Variants in SLC16A12 observed in about 807,000 individuals in gnomAD.
SLC16A12 encodes monocarboxylate transporter 12.
In SLC16A12, 17 loss-of-function variants were observed where a neutral mutation model predicts 42.4. The ratio of observed to expected loss-of-function variants is 0.40; its 90% confidence interval spans 0.27 to 0.60. The LOEUF (loss-of-function observed/expected upper bound fraction) is 0.60. SLC16A12 is among the 20% of genes least tolerant of loss of function. The pLI is 0.42. For synonymous variants in SLC16A12, 224 were observed against 229.4 expected (o/e 0.98, Z 0.21); for missense variants, 544 against 623.0 (o/e 0.87, Z 1.35).
rs1841677522 is a variant in SLC16A12 at position 89,430,402 on chromosome 10, A to G, written c.*2662T>C. ...TACAATCTGAACAAAAAGCCCAATC[A>G]TACAGTGTATCTACAAAGTTAGATA... is the stretch of plus-strand genomic sequence containing the variant. On this transcript the variant is annotated 3_prime_UTR_variant, in exon 8 of 8. Coordinates refer to ENST00000371790, the MANE Select transcript of SLC16A12 (RefSeq NM_213606.4). 1 of 254,374 alleles carries G rather than the reference A, an allele frequency of 3.9e-6. No individual in the cohort carries two copies. Among genetic ancestry groups the G allele is most frequent in the Non-Finnish European group, 7.8e-6 (1 of 128,272 alleles). 15.8% of individuals were successfully genotyped at this position (254,374 alleles called of 1,614,324 possible).
chr10:89,497,938 G>T (rs752021838), intron 2 of SLC16A12, among the ~76,000 whole-genome samples: 2 of 152,094 alleles, frequency 1.3e-5, no homozygotes, highest in Non-Finnish European at 1.5e-5. Context: ...TTAGAAGTAG[G>T]TATAATTATT....
intron 2 of SLC16A12, among the ~76,000 whole-genome samples, chr10:89,520,823 C>T (rs1358603084): frequency 2.0e-5 from 3 of 151,318 alleles, no homozygotes; most frequent in Non-Finnish European, 4.4e-5. Flanking sequence ...CTCAGCTTAA[C>T]TGAGATTGGA....
intron 2 of SLC16A12, among the ~76,000 whole-genome samples, chr10:89,554,311 C>T (rs1366856335): frequency 1.3e-5 from 2 of 152,098 alleles, no homozygotes; most frequent in Non-Finnish European, 2.9e-5. Flanking sequence ...GCATAACTAA[C>T]CCACCTCAAT....
At chr10:89,515,327 C>T (rs1306724179) in intron 2 of SLC16A12, among the ~76,000 whole-genome samples, 2 of 152,170 alleles carry the variant, frequency 1.3e-5, no homozygotes, top group Non-Finnish European at 2.9e-5. Flanking sequence ...TAATGCGCTC[C>T]TAGGTTCACA....
chr10:89,503,427 AAC>A (rs1237687806), intron 2 of SLC16A12, among the ~76,000 whole-genome samples: 1 of 152,222 alleles, frequency 6.6e-6, no homozygotes, highest in African/African-American at 2.4e-5. Context: ...AAATCCCATT[AAC>A]CTGCCCAAGA....
intron 2 of SLC16A12, among the ~76,000 whole-genome samples, chr10:89,487,931 C>A: frequency 7.1e-6 from 1 of 140,060 alleles, no homozygotes; most frequent in Non-Finnish European, 1.5e-5. Context: ...TGTCCATCAA[C>A]AGATGATTGG....
chr10:89,508,713 G>T (rs1250529651), intron 2 of SLC16A12, among the ~76,000 whole-genome samples: 3 of 151,962 alleles, frequency 2.0e-5, no homozygotes, highest in Admixed American at 2.0e-4. Flanking sequence ...CAGAAGGCAA[G>T]AAATAACTAA....
At chr10:89,449,846 T>G (rs1473628838) in intron 3 of SLC16A12, among the ~76,000 whole-genome samples, 1 of 152,172 alleles carries the variant, frequency 6.6e-6, no homozygotes, top group Non-Finnish European at 1.5e-5. Context: ...AGAAAATTTT[T>G]GCAATCCAGT....
In SLC16A12 at chr10:89,433,106, C is replaced by T; in HGVS notation, c.1509G>A (p.Gly503=). 2.5e-6 allele frequency: 4 copies of T among 1,614,158 alleles called. No individual in the cohort carries two copies. In the African/African-American group the frequency reaches 4.0e-5, roughly 16 times the overall value. Residue 503 remains glycine (G), a synonymous_variant, in exon 8 of 8, where the codon GGG becomes GGA. Transcript: ENST00000371790. ...CAGGCACTGCTGTAGCCACAGGCTC[C>T]CCATGTTTCTGATCTAATTCTCTTG... ...SVARELDQKH[G]EPVATAVPGY...
In SLC16A12 at chr10:89,443,869, A is replaced by G; in HGVS notation, c.201-10T>C. On this transcript the variant is annotated splice_polypyrimidine_tract_variant and intron_variant, in intron 3 of 7. Transcript: ENST00000371790. Reference sequence around the variant, plus strand: ...AAAAATTGAGATACATCTGAAAAATACAATGCAGGCATTTTATACAAAAAA... The same window carrying G: ...AAAAATTGAGATACATCTGAAAAATGCAATGCAGGCATTTTATACAAAAAA... 2 of 1,544,774 alleles carry G rather than the reference A, an allele frequency of 1.3e-6. No homozygotes were observed. The highest frequency in any genetic ancestry group is 1.8e-6 in the Non-Finnish European group (2 of 1,116,910).
At chr10:89,458,862 T>C (rs947706595) in intron 3 of SLC16A12, among the ~76,000 whole-genome samples, 8 of 152,178 alleles carry the variant, frequency 5.3e-5, no homozygotes, top group Non-Finnish European at 1.0e-4. Flanking sequence ...TAAATTGCAA[T>C]GTGGGGTGAG....
intron 3 of SLC16A12, among the ~76,000 whole-genome samples, chr10:89,448,938 T>A (rs1842047017): frequency 6.6e-6 from 1 of 152,080 alleles, no homozygotes; most frequent in Admixed American, 6.5e-5. Context: ...TGTGCAAAAA[T>A]CACAAGCATT....
chr10:89,467,987 C>T (rs2133760933), intron 2 of SLC16A12: 1 of 152,312 alleles, frequency 6.6e-6, no homozygotes, highest in Middle Eastern at 3.4e-3. Context: ...TTTTACTTTG[C>T]TGCTGCTAAA....
At position 89,443,750 on chromosome 10, in the gene SLC16A12, A is replaced by T; in HGVS notation, c.304+6T>A. On this transcript the variant is annotated splice_donor_region_variant and intron_variant, in intron 4 of 7. Transcript: ENST00000371790. ...GTAATTCCCTATCCTAGTAAGTAATACTCACCACAGAGCATGGTCACACAA... is the reference window on the plus strand; with the variant it reads ...GTAATTCCCTATCCTAGTAAGTAATTCTCACCACAGAGCATGGTCACACAA... 2 of 1,599,252 alleles carry T rather than the reference A, an allele frequency of 1.3e-6. No individual in the cohort carries two copies. Among genetic ancestry groups the T allele is most frequent in the Non-Finnish European group, 1.7e-6 (2 of 1,166,412 alleles).
intron 2 of SLC16A12, among the ~76,000 whole-genome samples, chr10:89,509,344 A>G (rs1051699036): frequency 2.0e-5 from 3 of 152,226 alleles, no homozygotes; most frequent in South Asian, 2.1e-4. Flanking sequence ...AAAATTCTCA[A>G]TAAAATACTG....
chr10:89,473,127 CTTTT>C (rs35439283), intron 2 of SLC16A12, among the ~76,000 whole-genome samples: 1 of 142,040 alleles, frequency 7.0e-6, no homozygotes, highest in African/African-American at 2.6e-5. Context: ...CCTCAGCAGT[CTTTT>C]TTTTTTTTTT....
intron 2 of SLC16A12, among the ~76,000 whole-genome samples, chr10:89,475,310 T>C (rs183913389): frequency 6.6e-6 from 1 of 152,252 alleles, no homozygotes; most frequent in East Asian, 1.9e-4. Context: ...TACAGACTTC[T>C]ATCCTAGGGG....
At chr10:89,522,091 C>T (rs1843367189) in intron 2 of SLC16A12, among the ~76,000 whole-genome samples, 1 of 152,198 alleles carries the variant, frequency 6.6e-6, no homozygotes, top group Non-Finnish European at 1.5e-5. Context: ...TTGACCACCT[C>T]ATGTCCCATA....
At chr10:89,544,248 C>T (rs952334759) in intron 2 of SLC16A12, among the ~76,000 whole-genome samples, 5 of 152,174 alleles carry the variant, frequency 3.3e-5, no homozygotes, top group Admixed American at 3.3e-4. Context: ...CCGTCTAAGG[C>T]TTCTTCTGAG....
Sources: allele counts gnomAD v4.1 joint callset (sites outside exome capture counted in the v4.1 genomes callset), GRCh38; gene constraint gnomAD v4.1.1; transcripts MANE v1.5; gene names NCBI Gene and HGNC (gene_info 2026-07-23, HGNC 2026-07-21).